ANKRD6: variants seen among roughly 807,000 people sequenced by gnomAD.
The protein encoded by ANKRD6 is ankyrin repeat domain-containing protein 6.
A neutral mutation model predicts 82.3 loss-of-function variants in ANKRD6; 56 were observed. The observed-to-expected ratio is 0.68, with a 90% CI of 0.55 to 0.85. The LOEUF (loss-of-function observed/expected upper bound fraction) is 0.85, where lower values mean the gene tolerates loss of function less well. Among genes scored for constraint, ANKRD6 ranks in the 40% least tolerant of loss-of-function variants. The pLI is 0.00. For missense variants in ANKRD6, 852 were observed against 907.6 expected (o/e 0.94, Z 0.79); for synonymous variants, 347 against 352.1 (o/e 0.99, Z 0.16).
At position 89,579,669 on chromosome 6, in the gene ANKRD6, A is replaced by C. The variant is rs377433936; in HGVS notation, c.120+12573A>C. Among the ~76,000 whole-genome samples the C allele has an allele frequency of 2.8e-5, 4 of 142,206 alleles. No individual in the cohort carries two copies. In the East Asian group the frequency reaches 6.6e-4, roughly 24 times the overall value. 93.3% of individuals were successfully genotyped at this position (142,206 alleles called of 152,430 possible). ...CTACTTGGGAGCCTGAGGCAGGAGA[A>C]TTGCTTGAACCCAGGAGGCGGAAGC... On this transcript the variant is annotated intron_variant, in intron 2 of 15. Coordinates refer to ENST00000339746, the MANE Select transcript of ANKRD6 (RefSeq NM_001242809.2).
At chr6:89,466,432 C>T (rs897773813) in intron 1 of ANKRD6, among the ~76,000 whole-genome samples, 2 of 152,148 alleles carry the variant, frequency 1.3e-5, no homozygotes, top group Non-Finnish European at 2.9e-5. Context: ...ATTTTGCCAG[C>T]AATACATGAG....
At chr6:89,566,549 C>T (rs1788574978) in intron 1 of ANKRD6, among the ~76,000 whole-genome samples, 1 of 152,206 alleles carries the variant, frequency 6.6e-6, no homozygotes, top group Non-Finnish European at 1.5e-5. Context: ...CCTCCGCTCC[C>T]TGGGAGAAAA....
chr6:89,608,159 C>G (rs1799264805), intron 5 of ANKRD6, among the ~76,000 whole-genome samples: 1 of 152,174 alleles, frequency 6.6e-6, no homozygotes, highest in Admixed American at 6.5e-5. Context: ...CATAAAAGGG[C>G]TTACCCTCTT....
intron 2 of ANKRD6, among the ~76,000 whole-genome samples, chr6:89,587,382 G>T (rs1263314751): frequency 6.6e-6 from 1 of 152,070 alleles, no homozygotes; most frequent in Non-Finnish European, 1.5e-5. Flanking sequence ...CTAGCTACAT[G>T]GGAGGCTGAG....
intron 1 of ANKRD6, among the ~76,000 whole-genome samples, chr6:89,524,301 C>A (rs567963809): frequency 6.6e-6 from 1 of 152,060 alleles, no homozygotes; most frequent in African/African-American, 2.4e-5. Flanking sequence ...CCCTCACCCC[C>A]CTCCCACCTT....
At chr6:89,624,476 G>C in intron 12 of ANKRD6, 63 bp from the exon 13 acceptor site, 2 of 1,529,676 alleles carry the variant, frequency 1.3e-6, no homozygotes, top group Non-Finnish European at 1.8e-6. Flanking sequence ...CGTGGATGGT[G>C]CTCAAAACAT....
At chr6:89,475,774 A>G (rs1775970085) in intron 1 of ANKRD6, among the ~76,000 whole-genome samples, 1 of 152,224 alleles carries the variant, frequency 6.6e-6, no homozygotes, top group Non-Finnish European at 1.5e-5. Flanking sequence ...AAGAGAGTGA[A>G]CATTTAACAA....
intron 1 of ANKRD6, among the ~76,000 whole-genome samples, chr6:89,491,806 T>TA (rs1052673384): frequency 3.3e-4 from 47 of 144,340 alleles, no homozygotes; most frequent in Admixed American, 4.1e-4. Flanking sequence ...ATAATAAAAT[T>TA]AAAAAAAAAA....
At chr6:89,544,210 C>T (rs1784762239) in intron 1 of ANKRD6, among the ~76,000 whole-genome samples, 1 of 151,074 alleles carries the variant, frequency 6.6e-6, no homozygotes, top group Non-Finnish European at 1.5e-5. Context: ...CAAGGCAGTA[C>T]CAGCATCTCC....
At chr6:89,591,439 G>A (rs1215232588) in intron 2 of ANKRD6, among the ~76,000 whole-genome samples, 1 of 152,112 alleles carries the variant, frequency 6.6e-6, no homozygotes, top group African/African-American at 2.4e-5. Context: ...CTTTTCTCCT[G>A]TTCCCATTTC....
chr6:89,596,974 T>C (rs1796055592), intron 3 of ANKRD6, among the ~76,000 whole-genome samples: 1 of 152,272 alleles, frequency 6.6e-6, no homozygotes, highest in Non-Finnish European at 1.5e-5. Context: ...ACTGTAGTTA[T>C]AGAGTGTGAT....
chr6:89,524,368 C>T (rs1782219359), intron 1 of ANKRD6, among the ~76,000 whole-genome samples: 2 of 152,074 alleles, frequency 1.3e-5, no homozygotes, highest in Admixed American at 1.3e-4. Flanking sequence ...CCTTAGCTCC[C>T]ACTTACAAGT....
rs372624201 is a variant in ANKRD6 at position 89,567,090 on chromosome 6, T to C, written c.114T>C (p.Val38=). ...TCAACAAGGGCGCCAGGGTAGCGGT[T>C]ACCAAGGTAACAAGAGAAAAATACG... is the stretch of plus-strand genomic sequence containing the variant. The part of the protein sequence containing the change: ...QLINKGARVA[V]TKHGRTPLHL... Residue 38 remains valine, a synonymous_variant, in exon 2 of 16, where the codon GTT becomes GTC. Coordinates refer to ENST00000339746, the MANE Select transcript of ANKRD6 (RefSeq NM_001242809.2). The C allele has an allele frequency of 1.3e-5, 21 of 1,594,582 alleles. No individual in the cohort carries two copies. In the African/African-American group the frequency reaches 2.3e-4, roughly 17 times the overall value.
chr6:89,550,474 GC>G, intron 1 of ANKRD6, among the ~76,000 whole-genome samples: 1 of 152,114 alleles, frequency 6.6e-6, no homozygotes, highest in Middle Eastern at 3.4e-3. Context: ...TCAAATATGG[GC>G]AAAACTGACC....
intron 1 of ANKRD6, among the ~76,000 whole-genome samples, chr6:89,557,234 GGTAAAGAA>G (rs1175879149): frequency 6.6e-6 from 1 of 152,170 alleles, no homozygotes. Context: ...CGTGATTGAG[GGTAAAGAA>G]GTAGACTCAG....
intron 1 of ANKRD6, among the ~76,000 whole-genome samples, chr6:89,513,273 A>T (rs902197558): frequency 3.3e-5 from 5 of 152,156 alleles, no homozygotes; most frequent in African/African-American, 1.2e-4. Context: ...AAACCGTAAA[A>T]ATACAGATTG....
At chr6:89,551,991 A>G (rs1785914928) in intron 1 of ANKRD6, among the ~76,000 whole-genome samples, 1 of 152,248 alleles carries the variant, frequency 6.6e-6, no homozygotes, top group Non-Finnish European at 1.5e-5. Context: ...TTGATTTTAA[A>G]TAATTCATAA....
At chr6:89,530,392 T>TAA (rs548906817) in intron 1 of ANKRD6, among the ~76,000 whole-genome samples, 1 of 143,328 alleles carries the variant, frequency 7.0e-6, no homozygotes, top group Non-Finnish European at 1.5e-5. Context: ...TCAATTTGTT[T>TAA]AAAAAAAAAA....
intron 10 of ANKRD6, among the ~76,000 whole-genome samples, chr6:89,622,259 A>C (rs1017675410): frequency 5.9e-5 from 9 of 152,164 alleles, no homozygotes; most frequent in Non-Finnish European, 1.3e-4. Context: ...CGTCCAGTAC[A>C]CGTGGGGGGC....
Sources: gnomAD v4.1 joint callset for allele counts (sites outside exome capture counted in the v4.1 genomes callset) on GRCh38, gnomAD v4.1.1 for gene constraint, MANE v1.5 for transcripts, NCBI Gene and HGNC (gene_info 2026-07-23, HGNC 2026-07-21) for gene names.